Variants in LRIG1 observed in about 807,000 individuals in gnomAD.
LRIG1 encodes leucine rich repeats and immunoglobulin like domains 1.
LRIG1 carries 48 observed loss-of-function variants against 99.2 expected under a neutral mutation model. That is an observed-to-expected ratio of 0.48 (90% CI 0.38 to 0.62). The LOEUF (loss-of-function observed/expected upper bound fraction) is 0.62, where lower values mean the gene tolerates loss of function less well. Among genes scored for constraint, LRIG1 ranks in the 20% least tolerant of loss-of-function variants. LRIG1 has a pLI of 0.00. For synonymous variants in LRIG1, 772 were observed against 596.1 expected, an observed-to-expected ratio of 1.29 and a Z score of -4.30; for missense variants, 1,646 against 1,434.4, an observed-to-expected ratio of 1.15 and a Z score of -2.38.
At chr3:66,387,147 C>G (rs548355888) in intron 12 of LRIG1, 2 of 150,632 alleles carry the variant, frequency 1.3e-5, no homozygotes, top group East Asian at 1.9e-4. Context: ...TGTTCAACAG[C>G]GCAGCTGTCT....
At chr3:66,427,995 C>A (rs1326118596) in intron 3 of LRIG1, among the ~76,000 whole-genome samples, 8 of 152,214 alleles carry the variant, frequency 5.3e-5, no homozygotes, top group African/African-American at 1.4e-4. Context: ...TACGATATTT[C>A]TATTGACAGA....
intron 7 of LRIG1, chr3:66,409,694 CTGTT>C (rs1169313556): frequency 3.9e-5 from 6 of 155,766 alleles, no homozygotes; most frequent in African/African-American, 2.4e-5. Context: ...TTCACTGTCT[CTGTT>C]TGAGCCCAAA....
At chr3:66,427,699 TG>T (rs1703028789) in intron 3 of LRIG1, among the ~76,000 whole-genome samples, 1 of 152,224 alleles carries the variant, frequency 6.6e-6, no homozygotes, top group African/African-American at 2.4e-5. Flanking sequence ...TGCTGGCAGT[TG>T]TTTTGTTTGT....
chr3:66,492,914 TAGCAAAC>T (rs1375787841), intron 1 of LRIG1, among the ~76,000 whole-genome samples: 1 of 152,188 alleles, frequency 6.6e-6, no homozygotes, highest in Non-Finnish European at 1.5e-5. Flanking sequence ...CAAGGAGTGA[TAGCAAAC>T]AGTAAACAGC....
At chr3:66,492,253 G>C (rs974882884) in intron 1 of LRIG1, among the ~76,000 whole-genome samples, 1 of 152,144 alleles carries the variant, frequency 6.6e-6, no homozygotes, top group Admixed American at 6.5e-5. Context: ...TCATCAAGTA[G>C]GTAATCCGGA....
intron 12 of LRIG1, chr3:66,387,331 T>C (rs745858193): frequency 2.0e-5 from 3 of 151,510 alleles, no homozygotes; most frequent in Non-Finnish European, 2.9e-5. Flanking sequence ...CGTGAGGGGG[T>C]CCTCATTTGT....
At chr3:66,447,791 C>A (rs4856937) in intron 3 of LRIG1, among the ~76,000 whole-genome samples, 135,947 of 152,226 alleles carry the variant, frequency 0.89, 62,236 homozygotes, top group Non-Finnish European at 1. Context: ...GCAACACCAC[C>A]GGAAAAACAG....
intron 12 of LRIG1, chr3:66,388,123 A>G (rs962787998): frequency 2.0e-5 from 3 of 150,440 alleles, no homozygotes; most frequent in Admixed American, 6.6e-5. Flanking sequence ...AAAAAAAAAA[A>G]AAAAAAAAAG....
Position 66,417,175 on chromosome 3 carries a change from C to A in LRIG1, c.457G>T (p.Glu153Ter). Residue 153 changes from glutamate (E) to a stop codon, truncating the protein, a stop_gained, in exon 4 of 19, where the codon GAA (glutamate) becomes TAA (stop). Coordinates refer to ENST00000273261, the MANE Select transcript of LRIG1 (RefSeq NM_015541.3). LOFTEE classifies it high-confidence loss of function. Reference sequence around the variant, plus strand: ...TGTGGAAAGCAGGTGTTCCGCACTTCCGTGATGTTGTTCAAACTCAGATCT... The same window carrying A: ...TGTGGAAAGCAGGTGTTCCGCACTTACGTGATGTTGTTCAAACTCAGATCT... ...VLDLSLNNIT[E>*]VRNTCFPHGP... is the part of the protein sequence containing the mutation. The A allele has an allele frequency of 6.2e-7, 1 of 1,614,164 alleles. No homozygotes were observed. The highest frequency in any genetic ancestry group is 8.5e-7 in the Non-Finnish European group (1 of 1,180,020).
intron 3 of LRIG1, among the ~76,000 whole-genome samples, chr3:66,440,110 C>T (rs553519162): frequency 1.3e-5 from 2 of 152,150 alleles, no homozygotes; most frequent in South Asian, 4.1e-4. Context: ...AGGAACAATG[C>T]CTTTCAGTTG....
intron 1 of LRIG1, among the ~76,000 whole-genome samples, chr3:66,483,217 T>A (rs975570163): frequency 6.6e-6 from 1 of 152,122 alleles, no homozygotes; most frequent in African/African-American, 2.4e-5. Context: ...AGCTTCCCAT[T>A]GCCCCTTGCT....
chr3:66,476,043 T>C (rs1700715805), intron 1 of LRIG1, among the ~76,000 whole-genome samples: 1 of 152,174 alleles, frequency 6.6e-6, no homozygotes, highest in Non-Finnish European at 1.5e-5. Flanking sequence ...CCCTGCAGCC[T>C]GGGAATAAAG....
chr3:66,401,749 C>T, intron 9 of LRIG1: 1 of 1,154,212 alleles, frequency 8.7e-7, no homozygotes, highest in Non-Finnish European at 1.2e-6. Flanking sequence ...CACAGCCGGG[C>T]TCCCTTTCAG....
chr3:66,430,918 A>G (rs1354773262), intron 3 of LRIG1, among the ~76,000 whole-genome samples: 1 of 150,954 alleles, frequency 6.6e-6, no homozygotes, highest in Non-Finnish European at 1.5e-5. Flanking sequence ...ATACATCCCT[A>G]TTTTCTTCCC....
intron 1 of LRIG1, among the ~76,000 whole-genome samples, chr3:66,493,045 T>C (rs1470240299): frequency 6.6e-6 from 1 of 152,078 alleles, no homozygotes; most frequent in African/African-American, 2.4e-5. Context: ...AAAATGTTCT[T>C]TGCATACAAC....
chr3:66,475,124 G>GCTA (rs1444490394), intron 1 of LRIG1, among the ~76,000 whole-genome samples: 1 of 152,188 alleles, frequency 6.6e-6, no homozygotes, highest in Non-Finnish European at 1.5e-5. Context: ...TATGAAAACA[G>GCTA]CTAGGACTTA....
At chr3:66,423,981 A>T (rs955968995) in intron 3 of LRIG1, among the ~76,000 whole-genome samples, 2 of 152,162 alleles carry the variant, frequency 1.3e-5, no homozygotes, top group African/African-American at 4.8e-5. Flanking sequence ...AAAATTAATG[A>T]CTGGTTCTTG....
chr3:66,466,341 C>A (rs1332748490), intron 1 of LRIG1, among the ~76,000 whole-genome samples: 2 of 152,164 alleles, frequency 1.3e-5, no homozygotes, highest in Admixed American at 6.5e-5. Context: ...CTGCACCTGG[C>A]AGAATTTCAT....
intron 12 of LRIG1, among the ~76,000 whole-genome samples, chr3:66,389,299 G>GT (rs1559770939): frequency 6.6e-6 from 1 of 151,984 alleles, no homozygotes; most frequent in African/African-American, 2.4e-5. Context: ...AAACTAGTCA[G>GT]TATTGGAAAA....
Sources: allele counts gnomAD v4.1 joint callset (sites outside exome capture counted in the v4.1 genomes callset), GRCh38; gene constraint gnomAD v4.1.1; transcripts MANE v1.5; gene names NCBI Gene and HGNC (gene_info 2026-07-23, HGNC 2026-07-21).